Variants in ESR1 observed in about 807,000 individuals in gnomAD.
ESR1 encodes estrogen receptor.
Under a neutral mutation model 52.7 loss-of-function variants are expected in ESR1, and 12 were observed. The ratio of observed to expected loss-of-function variants is 0.23; its 90% CI spans 0.15 to 0.37. ESR1 has a LOEUF of 0.37. Ranked by LOEUF, ESR1 falls within the 10% of genes least tolerant of loss-of-function variation. ESR1 has a pLI of 1.00. For synonymous variants in ESR1, 305 were observed against 316.8 expected, an observed-to-expected ratio of 0.96 and a Z score of 0.39; for missense variants, 584 against 779.7, an observed-to-expected ratio of 0.75 and a Z score of 2.99.
At chr6:151,671,861 G>A (rs955251505) in intron 1 of ESR1, among the ~76,000 whole-genome samples, 5 of 151,970 alleles carry the variant, frequency 3.3e-5, no homozygotes, top group African/African-American at 1.2e-4. Flanking sequence ...GCATGGTGGT[G>A]GGTGCCTGTA....
intron 1 of ESR1, among the ~76,000 whole-genome samples, chr6:151,823,968 A>C (rs1485183596): frequency 6.6e-6 from 1 of 151,972 alleles, no homozygotes; most frequent in Non-Finnish European, 1.5e-5. Context: ...ATGATTTATA[A>C]TCCTTTGGGT....
At chr6:151,791,829 A>G (rs1296728782) in intron 2 of ESR1, among the ~76,000 whole-genome samples, 1 of 151,962 alleles carries the variant, frequency 6.6e-6, no homozygotes, top group Admixed American at 6.6e-5. Context: ...CCCAAACAAC[A>G]GGTAAAATGT....
At chr6:152,078,593 G>T (rs2048937560) in intron 6 of ESR1, among the ~76,000 whole-genome samples, 1 of 152,148 alleles carries the variant, frequency 6.6e-6, no homozygotes, top group Non-Finnish European at 1.5e-5. Context: ...TCCAACTGAG[G>T]CACCTGGTTC....
At chr6:152,016,406 T>C (rs538829840) in intron 5 of ESR1, among the ~76,000 whole-genome samples, 25 of 152,272 alleles carry the variant, frequency 1.6e-4, no homozygotes, top group African/African-American at 6.0e-4. Flanking sequence ...CTATAATTTT[T>C]TAAATTATCT....
intron 6 of ESR1, chr6:152,125,184 C>G (rs2052931386): frequency 6.7e-7 from 1 of 1,486,974 alleles, no homozygotes; most frequent in East Asian, 2.5e-5. Flanking sequence ...TCCCTGCCCA[C>G]CGCACTCTCT....
intron 3 of ESR1, among the ~76,000 whole-genome samples, chr6:151,881,626 A>C (rs1202478880): frequency 6.6e-6 from 1 of 152,082 alleles, no homozygotes; most frequent in Non-Finnish European, 1.5e-5. Flanking sequence ...GAAAATGTGT[A>C]ATTAAAATAA....
chr6:151,754,462 T>C (rs1208165620), intron 2 of ESR1, among the ~76,000 whole-genome samples: 1 of 152,222 alleles, frequency 6.6e-6, no homozygotes, highest in African/African-American at 2.4e-5. Context: ...ATTATTTAGC[T>C]AAACCTTGAT....
At chr6:151,944,532 T>C (rs983985732) in intron 4 of ESR1, 24 bp downstream of exon 4, 6 of 1,597,950 alleles carry the variant, frequency 3.8e-6, no homozygotes, top group Non-Finnish European at 5.1e-6. Flanking sequence ...GCGCAGCTTT[T>C]AAGAGTCAAT....
At chr6:151,981,896 T>C (rs369577493) in intron 4 of ESR1, among the ~76,000 whole-genome samples, 67 of 152,218 alleles carry the variant, frequency 4.4e-4, no homozygotes, top group Non-Finnish European at 6.8e-4. Context: ...AGGGGACATA[T>C]TTCTTGGGTC....
intron 3 of ESR1, among the ~76,000 whole-genome samples, chr6:151,902,983 T>C (rs973039960): frequency 6.6e-6 from 1 of 152,194 alleles, no homozygotes; most frequent in African/African-American, 2.4e-5. Context: ...AGCCTCCCTC[T>C]AATCCTGGCA....
At chr6:151,660,059 AC>A (rs1359416192) in intron 1 of ESR1, among the ~76,000 whole-genome samples, 2 of 152,238 alleles carry the variant, frequency 1.3e-5, no homozygotes, top group Non-Finnish European at 2.9e-5. Flanking sequence ...TCAGATTAGC[AC>A]TTTAGAATTC....
upstream of ESR1, chr6:151,804,781 G>A (rs1777612908): frequency 6.6e-6 from 1 of 152,236 alleles, no homozygotes; most frequent in African/African-American, 2.4e-5. Context: ...GGTGACTAAT[G>A]TCTGGCAACA....
At chr6:152,095,161 G>A (rs772019907) in intron 7 of ESR1, among the ~76,000 whole-genome samples, 35 of 152,326 alleles carry the variant, frequency 2.3e-4, no homozygotes, top group Admixed American at 3.9e-4. Flanking sequence ...TGTGTCCAGA[G>A]TGATCATTCT....
intron 2 of ESR1, among the ~76,000 whole-genome samples, chr6:151,706,023 A>G (rs1267209547): frequency 6.6e-6 from 1 of 152,250 alleles, no homozygotes; most frequent in Non-Finnish European, 1.5e-5. Flanking sequence ...TTTTCTGTAC[A>G]GTCTGAAGCT....
intron 2 of ESR1, among the ~76,000 whole-genome samples, chr6:151,721,592 C>A (rs75366105): frequency 4.6e-5 from 7 of 152,236 alleles, no homozygotes; most frequent in Non-Finnish European, 8.8e-5. Flanking sequence ...AATCATGGGA[C>A]TAGAATGTTT....
At chr6:151,716,007 G>C (rs577337714) in intron 2 of ESR1, among the ~76,000 whole-genome samples, 1 of 152,274 alleles carries the variant, frequency 6.6e-6, no homozygotes, top group East Asian at 1.9e-4. Flanking sequence ...GGTGACCTTT[G>C]GATGGGGTTT....
chr6:151,722,073 A>G (rs1198466477), intron 2 of ESR1, among the ~76,000 whole-genome samples: 1 of 152,226 alleles, frequency 6.6e-6, no homozygotes, highest in East Asian at 1.9e-4. Flanking sequence ...AGGGAGGTAG[A>G]TTATAGTCAG....
intron 4 of ESR1, among the ~76,000 whole-genome samples, chr6:152,008,979 G>A (rs2042553695): frequency 6.6e-6 from 1 of 151,958 alleles, no homozygotes; most frequent in Non-Finnish European, 1.5e-5. Flanking sequence ...TGAGATCGTG[G>A]GTATTGAGAA....
At chr6:151,959,234 T>C (rs1002750248) in intron 4 of ESR1, among the ~76,000 whole-genome samples, 3 of 152,104 alleles carry the variant, frequency 2.0e-5, no homozygotes, top group African/African-American at 4.8e-5. Flanking sequence ...GGTGTAGAGG[T>C]TGGGTTGTCT....
Sources: gnomAD v4.1 joint callset for allele counts (sites outside exome capture counted in the v4.1 genomes callset) on GRCh38, gnomAD v4.1.1 for gene constraint, MANE v1.5 for transcripts, NCBI Gene and HGNC (gene_info 2026-07-23, HGNC 2026-07-21) for gene names.